The following KCNG3 variants were observed in gnomAD, a reference collection of about 807,000 sequenced individuals.
KCNG3 encodes the protein voltage-gated potassium channel regulatory subunit KCNG3.
A neutral mutation model predicts 29.0 loss-of-function variants in KCNG3; 15 were observed. The observed-to-expected ratio is 0.52, with a 90% confidence interval of 0.35 to 0.80. KCNG3 has a LOEUF of 0.80. Among genes scored for constraint, KCNG3 ranks in the 30% least tolerant of loss-of-function variants. The pLI, the probability that KCNG3 is intolerant of heterozygous loss-of-function variation, is 0.01. For missense variants in KCNG3, 512 were observed against 605.7 expected (o/e 0.85, Z 1.62); for synonymous variants, 322 against 248.9 (o/e 1.29, Z -2.76).
chr2:42,395,365 A>G, the KCNG3 span, among the ~76,000 whole-genome samples: 2 of 152,188 alleles, frequency 1.3e-5, no homozygotes, highest in African/African-American at 4.8e-5. Flanking sequence ...AGTAGCAGTG[A>G]GTGGGGAGCC....
In KCNG3 at chr2:42,444,186, G is replaced by A. The variant is rs776251042; in HGVS notation, c.1059C>T (p.Ser353=). The change falls in exon 2 of 2, where the codon TCC becomes TCT. Residue 353 remains serine (S), a synonymous_variant. Transcript: ENST00000306078. This position sits in a 1 kb window ranked among gnomAD's most constrained non-coding sequence, Gnocchi z 5.8. ...CAGGAATGCTGGTAAAGTCCTTGTTGGATGTTTCCAGGTCCAGCCCATGTT... is the reference window on the plus strand; with the variant it reads ...CAGGAATGCTGGTAAAGTCCTTGTTAGATGTTTCCAGGTCCAGCCCATGTT... ...LLEHGLDLET[S]NKDFTSIPAA... is the part of the protein sequence containing the mutation. 2.1e-5 allele frequency: 34 copies of A among 1,613,994 alleles called. No individual in the cohort carries two copies. The Middle Eastern group carries it at 1.2e-3, about 55-fold the overall frequency.
At chr2:42,453,645 C>A (rs1474170406) in intron 1 of KCNG3, among the ~76,000 whole-genome samples, 1 of 151,916 alleles carries the variant, frequency 6.6e-6, no homozygotes, top group Non-Finnish European at 1.5e-5. Flanking sequence ...ATATTTTCTC[C>A]CATTCTGTGG....
the KCNG3 span, among the ~76,000 whole-genome samples, chr2:42,404,604 C>G: frequency 6.6e-6 from 1 of 152,034 alleles, no homozygotes; most frequent in South Asian, 2.1e-4. Flanking sequence ...TGGCACACAC[C>G]TTAGTCCCAG....
the KCNG3 span, among the ~76,000 whole-genome samples, chr2:42,391,821 C>T: frequency 1.3e-5 from 2 of 151,488 alleles, no homozygotes; most frequent in Non-Finnish European, 1.5e-5. Flanking sequence ...CCGGGATGGT[C>T]TCGATCTCCT....
At chr2:42,405,082 A>G in the KCNG3 span, among the ~76,000 whole-genome samples, 1 of 152,238 alleles carries the variant, frequency 6.6e-6, no homozygotes, top group Non-Finnish European at 1.5e-5. Context: ...TCATCTAGAA[A>G]CCTAATTGAA....
chr2:42,470,248 C>G (rs1247215409), intron 1 of KCNG3: 1 of 412,348 alleles, frequency 2.4e-6, no homozygotes, highest in Non-Finnish European at 4.6e-6. Flanking sequence ...CATCTACAGC[C>G]TCTGTCCTGG....
chr2:42,426,990 A>G, the KCNG3 span, among the ~76,000 whole-genome samples: 33 of 152,360 alleles, frequency 2.2e-4, no homozygotes, highest in African/African-American at 7.9e-4. Context: ...GACATTCTCA[A>G]TGTACTTAAT....
rs1367130130 is a variant in KCNG3 at position 42,468,300 on chromosome 2, A to C, written c.666-23721T>G. On this transcript the variant is annotated intron_variant, in intron 1 of 1. Coordinates refer to ENST00000306078, the MANE Select transcript of KCNG3 (RefSeq NM_133329.6). ...ACCCTTTGAATTATTAGAATAAATGAAAAGTACAGGTGCTCTTTGACATAC... is the reference window on the plus strand; with the variant it reads ...ACCCTTTGAATTATTAGAATAAATGCAAAGTACAGGTGCTCTTTGACATAC... 7.9e-5 allele frequency among the ~76,000 whole-genome samples: 12 copies of C among 152,316 alleles called. No homozygotes were observed. The East Asian group carries it at 1.9e-3, about 24-fold the overall frequency.
chr2:42,481,472 A>G (rs983818138), intron 1 of KCNG3, among the ~76,000 whole-genome samples: 14 of 152,176 alleles, frequency 9.2e-5, no homozygotes, highest in Admixed American at 3.3e-4. Context: ...CCACCCTTGC[A>G]GGACCCTGGA....
At chr2:42,420,832 T>G in the KCNG3 span, among the ~76,000 whole-genome samples, 1 of 152,060 alleles carries the variant, frequency 6.6e-6, no homozygotes, top group Non-Finnish European at 1.5e-5. Context: ...GGGCCAGCAC[T>G]CTCAGTGACA....
intron 1 of KCNG3, among the ~76,000 whole-genome samples, chr2:42,480,525 T>C (rs1320068956): frequency 6.6e-6 from 1 of 152,170 alleles, no homozygotes; most frequent in African/African-American, 2.4e-5. Context: ...GTAGGAAAGC[T>C]GCCATAAACA....
the KCNG3 span, among the ~76,000 whole-genome samples, chr2:42,422,285 T>C: frequency 6.6e-6 from 1 of 152,044 alleles, no homozygotes; most frequent in South Asian, 2.1e-4. Flanking sequence ...ATCTTGAGAG[T>C]AGTTTTCTAA....
chr2:42,419,135 CCGTG>C, the KCNG3 span, among the ~76,000 whole-genome samples: 1 of 148,638 alleles, frequency 6.7e-6, no homozygotes, highest in East Asian at 2.0e-4. Context: ...GCTGTTCAGA[CCGTG>C]TAATGTTCCT....
the KCNG3 span, among the ~76,000 whole-genome samples, chr2:42,408,140 G>C: frequency 6.6e-6 from 1 of 152,172 alleles, no homozygotes; most frequent in African/African-American, 2.4e-5. Context: ...AGCCAAGTGG[G>C]GGCTGAGGGC....
chr2:42,469,801 C>T (rs1673240439), intron 1 of KCNG3: 1 of 186,836 alleles, frequency 5.4e-6, no homozygotes. Flanking sequence ...CCTTTCGCTG[C>T]CTGACTGCTG....
chr2:42,454,865 T>C (rs913442976), intron 1 of KCNG3, among the ~76,000 whole-genome samples: 1 of 152,040 alleles, frequency 6.6e-6, no homozygotes, highest in Non-Finnish European at 1.5e-5. Flanking sequence ...AACAAAAAGA[T>C]GGTAGTTACA....
chr2:42,455,918 T>A (rs1242590154), intron 1 of KCNG3, among the ~76,000 whole-genome samples: 2 of 149,660 alleles, frequency 1.3e-5, no homozygotes, highest in African/African-American at 2.4e-5. Context: ...ATTATATACA[T>A]ATAGTTATTA....
chr2:42,398,224 AAAATAAATAAATAAATAAATAAATAAAT>A, the KCNG3 span, among the ~76,000 whole-genome samples: 3 of 141,370 alleles, frequency 2.1e-5, no homozygotes, highest in Non-Finnish European at 4.6e-5. Flanking sequence ...CTCTGTCTCA[AAAATAAATAAATAAATAAATAAATAAAT>A]AAATAAATAA....
chr2:42,456,028 T>C (rs754557145), intron 1 of KCNG3, among the ~76,000 whole-genome samples: 16 of 150,928 alleles, frequency 1.1e-4, no homozygotes, highest in Non-Finnish European at 2.2e-4. Flanking sequence ...GAATATAAAA[T>C]AAGGAAATGT....
Sources: allele counts gnomAD v4.1 joint callset (sites outside exome capture counted in the v4.1 genomes callset), GRCh38; gene constraint gnomAD v4.1.1; non-coding constraint Gnocchi (gnomAD v3.1); transcripts MANE v1.5; gene names NCBI Gene and HGNC (gene_info 2026-07-23, HGNC 2026-07-21).